The following SAMD3 variants were observed in gnomAD, a reference collection of about 807,000 sequenced individuals.
SAMD3 encodes the protein sterile alpha motif domain containing 3, also known as sterile alpha motif domain-containing protein 3.
Under a neutral mutation model 58.5 loss-of-function variants are expected in SAMD3, and 63 were observed. That is an observed-to-expected ratio of 1.08 (90% CI 0.88 to 1.33). SAMD3 has a LOEUF of 1.33. Ranked by LOEUF, SAMD3 falls within the 40% of genes most tolerant of loss-of-function variation. The pLI is 0.00. For missense variants in SAMD3, 604 were observed against 608.4 expected (o/e 0.99, Z 0.08); for synonymous variants, 220 against 210.3 (o/e 1.05, Z -0.40).
intron 1 of SAMD3, among the ~76,000 whole-genome samples, chr6:130,220,020 G>A (rs1351084715): frequency 6.6e-6 from 1 of 151,798 alleles, no homozygotes; most frequent in Non-Finnish European, 1.5e-5. Flanking sequence ...CTATTTTTTT[G>A]AGATGGAGTC....
intron 2 of SAMD3, among the ~76,000 whole-genome samples, chr6:130,228,274 C>A (rs1348784455): frequency 1.3e-5 from 2 of 152,214 alleles, no homozygotes; most frequent in African/African-American, 4.8e-5. Flanking sequence ...GTTCTCTTTG[C>A]TGCAGCTAGA....
intron 2 of SAMD3, among the ~76,000 whole-genome samples, chr6:130,261,529 T>C (rs1361063238): frequency 6.6e-6 from 1 of 152,222 alleles, no homozygotes; most frequent in African/African-American, 2.4e-5. Flanking sequence ...TTGATTTTGA[T>C]TTGGTGTAAA....
intron 7 of SAMD3, among the ~76,000 whole-genome samples, chr6:130,183,891 G>A (rs1403125219): frequency 6.6e-6 from 1 of 151,996 alleles, no homozygotes; most frequent in Non-Finnish European, 1.5e-5. Context: ...TGGACTAACA[G>A]AAAGTGAAAG....
chr6:130,196,124 G>A (rs1319931811), intron 5 of SAMD3, among the ~76,000 whole-genome samples: 1 of 152,050 alleles, frequency 6.6e-6, no homozygotes, highest in African/African-American at 2.4e-5. Context: ...TAGCCTTTTT[G>A]TCCAAACAAC....
intron 5 of SAMD3, among the ~76,000 whole-genome samples, chr6:130,202,232 T>C (rs900132745): frequency 3.9e-5 from 6 of 152,200 alleles, no homozygotes; most frequent in African/African-American, 1.4e-4. Flanking sequence ...CTAGTCAAAG[T>C]TGAAAGGACT....
chr6:130,331,128 G>T lies in SAMD3; in HGVS notation c.-303-18035C>A, dbSNP rs547308320. Reference sequence around the variant, plus strand: ...TATATGAGCAGAAAAAGTAGAATTTGCATGAAGCTCCCAAACAAAGAAGTC... The same window carrying T: ...TATATGAGCAGAAAAAGTAGAATTTTCATGAAGCTCCCAAACAAAGAAGTC... On this transcript the variant is annotated intron_variant, in intron 1 of 13. Coordinates refer to the SAMD3 transcript ENST00000368134. 6.4e-4 allele frequency among the ~76,000 whole-genome samples: 97 copies of T among 152,302 alleles called. No homozygotes were observed. In the South Asian group the frequency reaches 0.017, roughly 27 times the overall value.
intron 1 of SAMD3, among the ~76,000 whole-genome samples, chr6:130,341,158 A>AGGGAGGAAGAGAGG (rs1554276739): frequency 6.7e-6 from 1 of 150,354 alleles, no homozygotes; most frequent in Non-Finnish European, 1.5e-5. Flanking sequence ...AGGGAGGAAG[A>AGGGAGGAAGAGAGG]GAGGGAGGGA....
Position 130,209,593 on chromosome 6 carries a change from C to A in SAMD3, c.285G>T (p.Glu95Asp). ...TEAARDYRDE[E>D]SSSPARHGEQ... ...CCCCATGCCTGGCTGGACTGGAGGA[C>A]TCTTCATCCCTGTAACTAAGAAAGA... The change falls in exon 5 of 12, where the codon GAG (glutamate) becomes GAT (aspartate). Residue 95 changes from glutamate to aspartate, a missense_variant. Coordinates refer to ENST00000439090, the MANE Select transcript of SAMD3 (RefSeq NM_001017373.4). 1 of 1,611,102 alleles carries A rather than the reference C, an allele frequency of 6.2e-7. No homozygotes were observed. The highest frequency in any genetic ancestry group is 8.5e-7 in the Non-Finnish European group (1 of 1,177,368).
chr6:130,251,882 T>C (rs1773748965), intron 2 of SAMD3, among the ~76,000 whole-genome samples: 1 of 152,176 alleles, frequency 6.6e-6, no homozygotes, highest in Non-Finnish European at 1.5e-5. Context: ...TAATACAGAA[T>C]AATCTGATCC....
intron 2 of SAMD3, among the ~76,000 whole-genome samples, chr6:130,278,321 T>C (rs565624828): frequency 1.1e-4 from 17 of 152,164 alleles, no homozygotes; most frequent in South Asian, 2.1e-4. Context: ...CCTTGAATAC[T>C]TGGGGAGTCT....
intron 7 of SAMD3, among the ~76,000 whole-genome samples, chr6:130,179,879 AT>A (rs1205044544): frequency 7.3e-6 from 1 of 137,478 alleles, no homozygotes; most frequent in Non-Finnish European, 1.5e-5. Flanking sequence ...GACGACACTG[AT>A]CTTGGCTCAC....
At chr6:130,171,212 A>G (rs1791218594) in intron 8 of SAMD3, among the ~76,000 whole-genome samples, 3 of 152,116 alleles carry the variant, frequency 2.0e-5, no homozygotes, top group Non-Finnish European at 4.4e-5. Context: ...GGTTTTTGTC[A>G]TTGGTTCTGT....
intron 2 of SAMD3, chr6:130,215,860 G>A (rs2326951): frequency 0.23 from 358,512 of 1,528,790 alleles, 45,402 homozygotes; most frequent in East Asian, 0.42. Flanking sequence ...TTTTCCGTTA[G>A]CAAGAAGAGG....
At chr6:130,310,089 C>A (rs1031714521) in intron 2 of SAMD3, among the ~76,000 whole-genome samples, 1 of 152,158 alleles carries the variant, frequency 6.6e-6, no homozygotes, top group Non-Finnish European at 1.5e-5. Flanking sequence ...AAAGAAGAAT[C>A]GTGTACACTC....
chr6:130,294,372 A>C (rs1392442578), intron 2 of SAMD3, among the ~76,000 whole-genome samples: 1 of 152,174 alleles, frequency 6.6e-6, no homozygotes, highest in African/African-American at 2.4e-5. Flanking sequence ...GACTAATCTA[A>C]GAAAATATTT....
intron 2 of SAMD3, among the ~76,000 whole-genome samples, chr6:130,287,835 C>T (rs1190012294): frequency 6.6e-6 from 1 of 151,964 alleles, no homozygotes; most frequent in Non-Finnish European, 1.5e-5. Flanking sequence ...GTCCCAGCTC[C>T]TCGGGAGGTT....
intron 2 of SAMD3, 94 bp from the exon 3 acceptor site, chr6:130,215,388 C>A: frequency 8.1e-7 from 1 of 1,238,390 alleles, no homozygotes. Context: ...TTGCTAGACT[C>A]CTTTATCTTC....
intron 7 of SAMD3, among the ~76,000 whole-genome samples, chr6:130,177,073 G>C (rs1036329061): frequency 2.6e-5 from 4 of 152,062 alleles, no homozygotes; most frequent in Non-Finnish European, 4.4e-5. Context: ...TAAAGCAATG[G>C]TTCTCAAAAT....
chr6:130,342,437 T>G (rs1777302179), intron 1 of SAMD3, among the ~76,000 whole-genome samples: 1 of 152,214 alleles, frequency 6.6e-6, no homozygotes, highest in South Asian at 2.1e-4. Flanking sequence ...TAATTTTAGC[T>G]AAGAATTGGG....
Sources: gnomAD v4.1 joint callset for allele counts (sites outside exome capture counted in the v4.1 genomes callset) on GRCh38, gnomAD v4.1.1 for gene constraint, MANE v1.5 for transcripts, NCBI Gene and HGNC (gene_info 2026-07-23, HGNC 2026-07-21) for gene names.